MTHFD1L: variants seen among roughly 807,000 people sequenced by gnomAD.
MTHFD1L encodes the protein methylenetetrahydrofolate dehydrogenase (NADP+ dependent) 1 like.
Under a neutral mutation model 119.5 loss-of-function variants are expected in MTHFD1L, and 81 were observed. That is an observed-to-expected ratio of 0.68 (90% CI 0.57 to 0.82). The LOEUF is 0.82. Among genes scored for constraint, MTHFD1L ranks in the 40% least tolerant of loss-of-function variants. The pLI, the probability that MTHFD1L is intolerant of heterozygous loss-of-function variation, is 0.00. For missense variants in MTHFD1L, 1,125 were observed against 1,253.4 expected (o/e 0.90, Z 1.55); for synonymous variants, 430 against 475.2 (o/e 0.90, Z 1.24).
At chr6:150,886,606 T>C (rs1583381308) in intron 6 of MTHFD1L, among the ~76,000 whole-genome samples, 1 of 152,194 alleles carries the variant, frequency 6.6e-6, no homozygotes, top group South Asian at 2.1e-4. Context: ...GAAATAGAAA[T>C]GAATATTTTC....
chr6:150,984,866 A>G (rs1256252926), intron 20 of MTHFD1L, among the ~76,000 whole-genome samples: 2 of 152,218 alleles, frequency 1.3e-5, no homozygotes, highest in Admixed American at 1.3e-4. Flanking sequence ...TTCCGCTATA[A>G]TACAATGAAA....
intron 20 of MTHFD1L, among the ~76,000 whole-genome samples, chr6:151,002,232 A>T (rs772955733): frequency 5.9e-5 from 9 of 152,338 alleles, no homozygotes; most frequent in Admixed American, 3.9e-4. Context: ...TTGCTAGCAG[A>T]CAGGCCTTGG....
chr6:150,945,012 G>A (rs1793699143), intron 14 of MTHFD1L, among the ~76,000 whole-genome samples: 3 of 152,154 alleles, frequency 2.0e-5, no homozygotes, highest in South Asian at 2.1e-4. Flanking sequence ...ACCCTTATTG[G>A]GCTTCATGTG....
Position 150,937,534 on chromosome 6 carries a change from C to T in MTHFD1L, c.1393+594C>T, listed in dbSNP as rs577865782. 7.2e-5 allele frequency among the ~76,000 whole-genome samples: 11 copies of T among 152,264 alleles called. No homozygotes were observed. In the East Asian group the frequency reaches 1.5e-3, roughly 21 times the overall value. On this transcript the variant is annotated intron_variant, in intron 12 of 27. Transcript: ENST00000367321. The stretch of plus-strand genomic sequence containing the variant: ...CAATTACAGTTTGTCCTTGGCACTT[C>T]GTGATTTTTTAAGAATATTGCATTT...
At chr6:151,050,415 G>A (rs1489010039) in intron 26 of MTHFD1L, among the ~76,000 whole-genome samples, 2 of 152,202 alleles carry the variant, frequency 1.3e-5, no homozygotes, top group African/African-American at 4.8e-5. Context: ...GCCCGCCTTG[G>A]CCTCCCAAAG....
At chr6:151,099,713 A>G in intron 27 of MTHFD1L, 1 of 1,611,186 alleles carries the variant, frequency 6.2e-7, no homozygotes, top group African/African-American at 1.3e-5. Context: ...TATGGGAGCA[A>G]CAAAAAAACA....
At chr6:150,990,519 G>A (rs1448091662) in intron 20 of MTHFD1L, among the ~76,000 whole-genome samples, 1 of 151,994 alleles carries the variant, frequency 6.6e-6, no homozygotes, top group Admixed American at 6.6e-5. Context: ...GAGTGCAATG[G>A]CGTGATCTTA....
intron 26 of MTHFD1L, among the ~76,000 whole-genome samples, chr6:151,045,586 G>T (rs547781678): frequency 2.0e-5 from 3 of 152,298 alleles, no homozygotes; most frequent in African/African-American, 7.2e-5. Flanking sequence ...TTTGGCTCAT[G>T]CTCTGCCGGT....
intron 14 of MTHFD1L, among the ~76,000 whole-genome samples, 186 bp downstream of exon 14, chr6:150,944,779 T>C (rs1793668877): frequency 6.6e-6 from 1 of 152,260 alleles, no homozygotes; most frequent in South Asian, 2.1e-4. Context: ...GATTCTCAAA[T>C]GGGTTTATGA....
Position 150,928,695 on chromosome 6 carries a change from C to T in MTHFD1L, c.1256+2400C>T, listed in dbSNP as rs537643097. ...TAGCTGGGATTCCAGGCATGCACCC[C>T]CACGCCTGGCTAACTGTTTTTGTAT... On this transcript the variant is annotated intron_variant, in intron 11 of 27. Coordinates refer to ENST00000367321, the MANE Select transcript of MTHFD1L (RefSeq NM_015440.5). 2.0e-5 allele frequency among the ~76,000 whole-genome samples: 3 copies of T among 151,870 alleles called. No homozygotes were observed. In the South Asian group the frequency reaches 6.3e-4, roughly 32 times the overall value.
intron 20 of MTHFD1L, among the ~76,000 whole-genome samples, chr6:150,981,344 A>G (rs568674088): frequency 2.0e-5 from 3 of 152,322 alleles, no homozygotes; most frequent in South Asian, 2.1e-4. Context: ...AAAACCTCAC[A>G]TGAGTAGTAT....
intron 16 of MTHFD1L, among the ~76,000 whole-genome samples, chr6:150,955,758 C>T (rs1463470116): frequency 5.3e-5 from 8 of 152,142 alleles, no homozygotes; most frequent in African/African-American, 2.4e-5. Context: ...CCTCAGCCTC[C>T]CAAAGTGCTG....
At chr6:151,097,127 G>C (rs569917107) in intron 27 of MTHFD1L, among the ~76,000 whole-genome samples, 2 of 152,118 alleles carry the variant, frequency 1.3e-5, no homozygotes, top group South Asian at 4.2e-4. Context: ...CTGAGCTTTG[G>C]CAAGATTCAT....
chr6:150,990,855 TTTG>T (rs376870046), intron 20 of MTHFD1L, among the ~76,000 whole-genome samples: 22 of 151,408 alleles, frequency 1.5e-4, no homozygotes, highest in Non-Finnish European at 2.1e-4. Context: ...AACCATAGAG[TTTG>T]TTGTTGTTGT....
At chr6:150,947,711 C>T (rs561974169) in intron 15 of MTHFD1L, among the ~76,000 whole-genome samples, 12 of 151,968 alleles carry the variant, frequency 7.9e-5, no homozygotes, top group South Asian at 2.1e-4. Flanking sequence ...TAAAGAACTG[C>T]GGCATCAATT....
intron 16 of MTHFD1L, among the ~76,000 whole-genome samples, chr6:150,951,972 A>G (rs1794939427): frequency 6.6e-6 from 1 of 152,210 alleles, no homozygotes; most frequent in Admixed American, 6.5e-5. Context: ...TTGGGGTTCC[A>G]GCCTGAGCAG....
chr6:151,100,017 A>C, intron 27 of MTHFD1L: 1 of 722,596 alleles, frequency 1.4e-6, no homozygotes, highest in Non-Finnish European at 2.3e-6. Flanking sequence ...AAAAGAAAGA[A>C]ATATTTTCTT....
intron 20 of MTHFD1L, among the ~76,000 whole-genome samples, chr6:150,988,902 A>G (rs803511): frequency 0.53 from 79,032 of 148,700 alleles, 21,672 homozygotes; most frequent in African/African-American, 0.69. Context: ...CACCATACCC[A>G]GCTAATTTTG....
At chr6:151,081,433 A>C (rs1793150553) in intron 26 of MTHFD1L, among the ~76,000 whole-genome samples, 1 of 149,894 alleles carries the variant, frequency 6.7e-6, no homozygotes, top group African/African-American at 2.5e-5. Context: ...TGCGCAGATC[A>C]CCTGAGGTCA....
Sources: allele counts gnomAD v4.1 joint callset (sites outside exome capture counted in the v4.1 genomes callset), GRCh38; gene constraint gnomAD v4.1.1; transcripts MANE v1.5; gene names NCBI Gene and HGNC (gene_info 2026-07-23, HGNC 2026-07-21).